COLQ: variants seen among roughly 807,000 people sequenced by gnomAD.
The protein encoded by COLQ is acetylcholinesterase collagenic tail peptide.
Under a neutral mutation model 69.0 loss-of-function variants are expected in COLQ, and 48 were observed. The ratio of observed to expected loss-of-function variants is 0.70; its 90% confidence interval spans 0.55 to 0.88. COLQ has a LOEUF of 0.88. Ranked by LOEUF, COLQ falls within the 40% of genes least tolerant of loss-of-function variation. The pLI is 0.00. For synonymous variants in COLQ, 217 were observed against 211.2 expected (o/e 1.03, Z -0.24); for missense variants, 618 against 594.6 (o/e 1.04, Z -0.41).
In COLQ at chr3:15,475,652, C is replaced by T. The variant is rs76346770; in HGVS notation, c.466-165G>A. On this transcript the variant is annotated intron_variant, in intron 6 of 16. Transcript: ENST00000383788. ...TCTCCCTCCTGAGGTCCCAAAACTCCGTACTCCACATTTCATTCTTGTGTT... is the reference window on the plus strand; with the variant it reads ...TCTCCCTCCTGAGGTCCCAAAACTCTGTACTCCACATTTCATTCTTGTGTT... Among the ~76,000 whole-genome samples, 937 of 152,224 alleles carry T rather than the reference C, an allele frequency of 6.2e-3. 6 individuals are homozygous for T. The highest frequency in any genetic ancestry group is 0.021 in the African/African-American group (884 of 41,522).
chr3:15,509,210 C>A (rs2062951496), intron 1 of COLQ, among the ~76,000 whole-genome samples: 1 of 152,140 alleles, frequency 6.6e-6, no homozygotes, highest in South Asian at 2.1e-4. Context: ...CTCTGACTGC[C>A]CAGGAGGACC....
chr3:15,469,770 C>T (rs1024515932), intron 11 of COLQ, among the ~76,000 whole-genome samples: 1 of 152,186 alleles, frequency 6.6e-6, no homozygotes, highest in Non-Finnish European at 1.5e-5. Context: ...AAGCTTGGAA[C>T]TACAACCATT....
Position 15,488,188 on chromosome 3 carries a change from C to G in COLQ, c.321+18G>C, listed in dbSNP as rs944034091. ...CTAAACAGAAGACAGCGAGAGGGGT[C>G]CGGTAGAGTGCACCAACCTGGGGGC... is the stretch of plus-strand genomic sequence containing the variant. On this transcript the variant is annotated intron_variant, in intron 3 of 16. Coordinates refer to ENST00000383788, the MANE Select transcript of COLQ (RefSeq NM_005677.4). 5.0e-6 allele frequency: 8 copies of G among 1,589,080 alleles called. No individual in the cohort carries two copies. Among genetic ancestry groups the G allele is most frequent in the Non-Finnish European group, 6.0e-6 (7 of 1,160,512 alleles).
chr3:15,519,980 A>C (rs2063114531), intron 1 of COLQ, among the ~76,000 whole-genome samples: 1 of 152,248 alleles, frequency 6.6e-6, no homozygotes, highest in Non-Finnish European at 1.5e-5. Context: ...TGCCCTGGCC[A>C]CATGGTGCTT....
At chr3:15,502,573 C>T (rs1199749815) in intron 1 of COLQ, among the ~76,000 whole-genome samples, 1 of 152,070 alleles carries the variant, frequency 6.6e-6, no homozygotes, top group Admixed American at 6.6e-5. Context: ...AACACCATGC[C>T]TGGCTGTTTT....
intron 1 of COLQ, among the ~76,000 whole-genome samples, chr3:15,493,912 G>A (rs1575486923): frequency 6.6e-6 from 1 of 152,192 alleles, no homozygotes; most frequent in Non-Finnish European, 1.5e-5. Context: ...GCGAAACCCC[G>A]TGTCTACTAA....
chr3:15,475,017 A>G, intron 7 of COLQ, 66 bp from the exon 8 acceptor site: 1 of 1,545,590 alleles, frequency 6.5e-7, no homozygotes, highest in Non-Finnish European at 8.9e-7. Context: ...GTGGAAGAAT[A>G]GAAGGAATCC....
Position 15,463,150 on chromosome 3 carries a change from C to T in COLQ, c.814+3191G>A, listed in dbSNP as rs541119228. ...TCCAGCCTAGCCCTTCTCATCCATC[C>T]CCTAGCCCCAGGAGGGAACCAGACA... On this transcript the variant is annotated intron_variant, in intron 12 of 16. Transcript: ENST00000383788. Among the ~76,000 whole-genome samples the T allele has an allele frequency of 5.3e-4, 80 of 152,140 alleles. 1 individual carries two copies. In the South Asian group the frequency reaches 0.016, roughly 31 times the overall value.
chr3:15,481,355 T>C (rs1266161941), intron 3 of COLQ, among the ~76,000 whole-genome samples: 1 of 152,250 alleles, frequency 6.6e-6, no homozygotes, highest in Non-Finnish European at 1.5e-5. Context: ...TTTAAGTATT[T>C]AATCCATCTT....
At chr3:15,455,839 C>T (rs886615963) in intron 15 of COLQ, 60 bp downstream of exon 15, 1 of 1,609,566 alleles carries the variant, frequency 6.2e-7, no homozygotes, top group Non-Finnish European at 8.5e-7. Flanking sequence ...CAGGGCTGGC[C>T]CTGAGTCCCA....
intron 11 of COLQ, among the ~76,000 whole-genome samples, chr3:15,466,811 G>C (rs1413393452): frequency 6.6e-6 from 1 of 152,220 alleles, no homozygotes; most frequent in South Asian, 2.1e-4. Flanking sequence ...AGCCTGCGAA[G>C]CCTTGCATGG....
At chr3:15,460,047 G>A (rs1490759942) in intron 12 of COLQ, among the ~76,000 whole-genome samples, 1 of 152,122 alleles carries the variant, frequency 6.6e-6, no homozygotes, top group Non-Finnish European at 1.5e-5. Flanking sequence ...AAGACTTTTT[G>A]AATCCTCAGA....
intron 12 of COLQ, 28 bp from the exon 13 acceptor site, chr3:15,458,353 T>A: frequency 1.2e-6 from 2 of 1,613,916 alleles, no homozygotes; most frequent in Non-Finnish European, 1.7e-6. Context: ...GCTGTGTTAC[T>A]AGAGCCAAGG....
intron 14 of COLQ, 81 bp downstream of exon 14, chr3:15,456,379 T>G (rs1348660450): frequency 6.3e-7 from 1 of 1,586,022 alleles, no homozygotes; most frequent in Non-Finnish European, 8.6e-7. Flanking sequence ...CCAGGCCCAG[T>G]GGGGTGGCCT....
intron 5 of COLQ, among the ~76,000 whole-genome samples, chr3:15,477,930 C>T (rs534278234): frequency 7.1e-4 from 108 of 152,304 alleles, no homozygotes; most frequent in African/African-American, 2.5e-3. Flanking sequence ...TAAGCCAGGG[C>T]TATGGAAGAG....
chr3:15,476,069 C>G (rs1351107641), intron 6 of COLQ, among the ~76,000 whole-genome samples: 1 of 152,180 alleles, frequency 6.6e-6, no homozygotes, highest in Admixed American at 6.5e-5. Flanking sequence ...CTCCTTTAAT[C>G]TAATTAATCA....
intron 1 of COLQ, among the ~76,000 whole-genome samples, chr3:15,504,801 G>A (rs1343511302): frequency 5.9e-5 from 9 of 152,142 alleles, no homozygotes; most frequent in Non-Finnish European, 1.0e-4. Flanking sequence ...TGAAGGTTGC[G>A]GTGAGCCGAG....
At chr3:15,464,179 A>C (rs147603065) in intron 12 of COLQ, among the ~76,000 whole-genome samples, 1 of 152,264 alleles carries the variant, frequency 6.6e-6, no homozygotes, top group Non-Finnish European at 1.5e-5. Flanking sequence ...CTAGACATGG[A>C]CAGGAGAGGG....
intron 1 of COLQ, chr3:15,506,781 C>T (rs2062917229): frequency 6.6e-6 from 1 of 152,168 alleles, no homozygotes; most frequent in Admixed American, 6.5e-5. Context: ...TGTGGTGATG[C>T]CAAACTTGGT....
Sources: gnomAD v4.1 joint callset for allele counts (sites outside exome capture counted in the v4.1 genomes callset) on GRCh38, gnomAD v4.1.1 for gene constraint, MANE v1.5 for transcripts, NCBI Gene and HGNC (gene_info 2026-07-23, HGNC 2026-07-21) for gene names.